TENM3: variants seen among roughly 807,000 people sequenced by gnomAD.
The protein encoded by TENM3 is teneurin-3.
Under a neutral mutation model 255.1 loss-of-function variants are expected in TENM3, and 63 were observed. The ratio of observed to expected loss-of-function variants is 0.25; its 90% CI spans 0.20 to 0.30. The LOEUF is 0.30. Among genes scored for constraint, TENM3 ranks in the 10% least tolerant of loss-of-function variants. TENM3 has a pLI of 1.00. For missense variants in TENM3, 2,929 were observed against 3,461.1 expected, an observed-to-expected ratio of 0.85 and a Z score of 3.86; for synonymous variants, 1,306 against 1,322.3, an observed-to-expected ratio of 0.99 and a Z score of 0.27.
At chr4:182,009,460 C>T in the TENM3 span, among the ~76,000 whole-genome samples, 1 of 152,120 alleles carries the variant, frequency 6.6e-6, no homozygotes, top group Non-Finnish European at 1.5e-5. Flanking sequence ...GCCCCACCCA[C>T]TGAGGAAGGA....
chr4:181,730,016 TCG>T, the TENM3 span, among the ~76,000 whole-genome samples: 1 of 152,180 alleles, frequency 6.6e-6, no homozygotes, highest in Non-Finnish European at 1.5e-5. Flanking sequence ...AGACAGTCTC[TCG>T]CGCGGACCAA....
In TENM3 at chr4:182,217,018, T is replaced by C. The variant is rs927059145; in HGVS notation, c.-76+72264T>C. ...CACCATCATTTTCTTTCTTTTTTTT[T>C]TTTTTTTTTTTTTTTTTTTTTTGAG... On this transcript the variant is annotated intron_variant, in intron 1 of 2. Coordinates refer to the TENM3 transcript ENST00000512480. 6.9e-4 allele frequency among the ~76,000 whole-genome samples: 73 copies of C among 105,600 alleles called. 1 individual carries two copies. The highest frequency in any genetic ancestry group is 9.2e-4 in the Admixed American group (10 of 10,838). The allele number at this position is 105,600 out of a possible 152,430, so 69.3% of individuals were successfully genotyped here.
At chr4:182,545,979 A>G (rs1488779108) in intron 3 of TENM3, among the ~76,000 whole-genome samples, 3 of 152,208 alleles carry the variant, frequency 2.0e-5, no homozygotes, top group East Asian at 3.9e-4. Context: ...CGATTAACAC[A>G]TATTTGGCAT....
the TENM3 span, among the ~76,000 whole-genome samples, chr4:181,725,460 T>A: frequency 6.6e-6 from 1 of 151,582 alleles, no homozygotes; most frequent in Non-Finnish European, 1.5e-5. Context: ...CTTTCTTGTT[T>A]GTTTGTTTTT....
At chr4:182,299,427 G>C (rs888759329) in intron 1 of TENM3, among the ~76,000 whole-genome samples, 1 of 152,104 alleles carries the variant, frequency 6.6e-6, no homozygotes, top group Non-Finnish European at 1.5e-5. Context: ...TATAGATTCG[G>C]AAATTATTTC....
At chr4:181,794,434 C>A in the TENM3 span, among the ~76,000 whole-genome samples, 2 of 152,168 alleles carry the variant, frequency 1.3e-5, no homozygotes, top group Non-Finnish European at 2.9e-5. Flanking sequence ...ATTTGACCAA[C>A]ATCTTCCTAC....
rs1032233286 is a variant in TENM3 at position 182,205,755 on chromosome 4, C to T, written c.-76+61001C>T. ...TCTTCTCACATTTGACTGCTATCTT[C>T]CCCTTGTGGAAATTTTTATCTTGGA... On this transcript the variant is annotated intron_variant, in intron 1 of 2. Coordinates refer to the TENM3 transcript ENST00000512480. Among the ~76,000 whole-genome samples, 4 of 152,336 alleles carry T rather than the reference C, an allele frequency of 2.6e-5. No homozygotes were observed. In the East Asian group the frequency reaches 5.8e-4, roughly 22 times the overall value.
intron 3 of TENM3, among the ~76,000 whole-genome samples, chr4:182,419,959 T>C (rs1428191128): frequency 6.6e-6 from 1 of 152,040 alleles, no homozygotes; most frequent in East Asian, 1.9e-4. Flanking sequence ...ATGGCACATG[T>C]ATACATATGT....
At chr4:182,539,991 A>G (rs760976612) in intron 3 of TENM3, among the ~76,000 whole-genome samples, 4 of 152,248 alleles carry the variant, frequency 2.6e-5, no homozygotes, top group Admixed American at 6.5e-5. Context: ...GAACACAGAC[A>G]TAATTTGACT....
chr4:181,980,358 A>G, the TENM3 span: 1 of 152,128 alleles, frequency 6.6e-6, no homozygotes, highest in Admixed American at 6.6e-5. Context: ...TGTGGTCTGG[A>G]AGGGGAGTCC....
At chr4:181,789,501 C>T in the TENM3 span, among the ~76,000 whole-genome samples, 1 of 151,940 alleles carries the variant, frequency 6.6e-6, no homozygotes, top group Non-Finnish European at 1.5e-5. Context: ...ACGTTATCCA[C>T]CCACTTCAGC....
chr4:182,753,670 A>G, intron 21 of TENM3, 66 bp downstream of exon 21: 1 of 1,486,364 alleles, frequency 6.7e-7, no homozygotes, highest in Non-Finnish European at 9.3e-7. Flanking sequence ...CAGTCGGTAG[A>G]CTATGATGGC....
chr4:182,036,583 C>T, the TENM3 span, among the ~76,000 whole-genome samples: 1 of 152,200 alleles, frequency 6.6e-6, no homozygotes, highest in Non-Finnish European at 1.5e-5. Flanking sequence ...ATGCACAAAT[C>T]ATATTTGCTA....
At chr4:181,867,438 T>TCAC in the TENM3 span, among the ~76,000 whole-genome samples, 2 of 152,156 alleles carry the variant, frequency 1.3e-5, no homozygotes, top group Non-Finnish European at 2.9e-5. Context: ...CCGTTGGAAG[T>TCAC]CACCTCTTCT....
At chr4:181,598,120 T>C in the TENM3 span, among the ~76,000 whole-genome samples, 1 of 152,206 alleles carries the variant, frequency 6.6e-6, no homozygotes, top group African/African-American at 2.4e-5. Flanking sequence ...CAAAATAGGC[T>C]AATTTCACGT....
At chr4:182,068,029 A>G in the TENM3 span, among the ~76,000 whole-genome samples, 6 of 152,132 alleles carry the variant, frequency 3.9e-5, no homozygotes, top group South Asian at 2.1e-4. Context: ...TATACCATTC[A>G]TGAGACAATT....
At chr4:182,338,544 T>C (rs1764282487) in intron 2 of TENM3, among the ~76,000 whole-genome samples, 1 of 152,172 alleles carries the variant, frequency 6.6e-6, no homozygotes, top group Admixed American at 6.5e-5. Flanking sequence ...TTTAAATGTT[T>C]CTTTATATTG....
At chr4:181,917,726 A>G in the TENM3 span, among the ~76,000 whole-genome samples, 5 of 142,566 alleles carry the variant, frequency 3.5e-5, no homozygotes, top group African/African-American at 1.3e-4. Context: ...CAGTGGCATG[A>G]TCTCAGTTCA....
At chr4:182,436,060 G>A (rs923415061) in intron 3 of TENM3, among the ~76,000 whole-genome samples, 4 of 151,768 alleles carry the variant, frequency 2.6e-5, no homozygotes, top group African/African-American at 9.7e-5. Context: ...TAACCAGAGG[G>A]GGCTGGACAG....
Sources: gnomAD v4.1 joint callset for allele counts (sites outside exome capture counted in the v4.1 genomes callset) on GRCh38, gnomAD v4.1.1 for gene constraint, MANE v1.5 for transcripts, NCBI Gene and HGNC (gene_info 2026-07-23, HGNC 2026-07-21) for gene names.